The following OTUD7B variants were observed in gnomAD, a reference collection of about 807,000 sequenced individuals.
OTUD7B encodes OTU deubiquitinase 7B, also known as OTU domain-containing protein 7B.
OTUD7B carries 34 observed loss-of-function variants against 82.2 expected under a neutral mutation model. The ratio of observed to expected loss-of-function variants is 0.41; its 90% CI spans 0.31 to 0.55. OTUD7B has a LOEUF of 0.55. Among genes scored for constraint, OTUD7B ranks in the 20% least tolerant of loss-of-function variants. OTUD7B has a pLI of 0.20. For missense variants in OTUD7B, 944 were observed against 1,062.1 expected (o/e 0.89, Z 1.55); for synonymous variants, 398 against 402.7 (o/e 0.99, Z 0.14).
chr1:150,013,666 T>C (rs1280668209), upstream of OTUD7B, among the ~76,000 whole-genome samples: 1 of 151,778 alleles, frequency 6.6e-6, no homozygotes, highest in Non-Finnish European at 1.5e-5. Flanking sequence ...CTCACGCTTG[T>C]AATACCAGCA....
chr1:150,037,661 C>T, the OTUD7B span, among the ~76,000 whole-genome samples: 1 of 152,108 alleles, frequency 6.6e-6, no homozygotes, highest in Non-Finnish European at 1.5e-5. Flanking sequence ...GCGATCTCAG[C>T]TCACTGCAAC....
upstream of OTUD7B, among the ~76,000 whole-genome samples, chr1:150,014,129 T>G (rs1553788062): frequency 7.6e-6 from 1 of 131,588 alleles, no homozygotes. Context: ...CCAGGCATGG[T>G]GGATCCTGCC....
At chr1:150,021,491 T>C in the OTUD7B span, among the ~76,000 whole-genome samples, 1 of 152,104 alleles carries the variant, frequency 6.6e-6, no homozygotes. Context: ...GAGCCAAAAA[T>C]AGGAGATGAA....
At chr1:150,034,164 T>TCTAATAATGTCTCTAA in the OTUD7B span, among the ~76,000 whole-genome samples, 13 of 152,360 alleles carry the variant, frequency 8.5e-5, no homozygotes, top group East Asian at 2.1e-3. Context: ...TTAGAATGTC[T>TCTAATAATGTCTCTAA]CTAAGCAGTT....
the OTUD7B span, among the ~76,000 whole-genome samples, chr1:150,046,373 G>A: frequency 6.6e-6 from 1 of 150,556 alleles, no homozygotes; most frequent in African/African-American, 2.4e-5. Context: ...CACTTCTTTT[G>A]CCTTTGCCTG....
chr1:150,042,566 C>A, the OTUD7B span, among the ~76,000 whole-genome samples: 1 of 152,054 alleles, frequency 6.6e-6, no homozygotes, highest in South Asian at 2.1e-4. Context: ...CCTCCCTTTA[C>A]ACTCATTTCC....
intron 1 of OTUD7B, among the ~76,000 whole-genome samples, chr1:149,986,705 C>T (rs1553780896): frequency 6.6e-6 from 1 of 152,160 alleles, no homozygotes; most frequent in African/African-American, 2.4e-5. Context: ...TCAGAGACTC[C>T]TCCATGTCTA....
intron 1 of OTUD7B, among the ~76,000 whole-genome samples, chr1:149,987,114 T>C (rs1651207947): frequency 6.6e-6 from 1 of 152,218 alleles, no homozygotes; most frequent in African/African-American, 2.4e-5. Context: ...TTGGTATTGT[T>C]ACTCCACATC....
intron 7 of OTUD7B, among the ~76,000 whole-genome samples, chr1:149,951,749 T>C (rs1553773505): frequency 1.3e-5 from 2 of 152,164 alleles, no homozygotes; most frequent in African/African-American, 4.8e-5. Flanking sequence ...TATTCTTATG[T>C]ACAATAAAAT....
At chr1:149,947,379 C>T in intron 10 of OTUD7B, 44 bp from the exon 11 acceptor site, 2 of 1,197,416 alleles carry the variant, frequency 1.7e-6, no homozygotes, top group Admixed American at 1.7e-5. Context: ...CTTTTAAAAG[C>T]AAAGCAATTT....
the OTUD7B span, among the ~76,000 whole-genome samples, chr1:150,042,598 C>T: frequency 6.6e-6 from 1 of 152,128 alleles, no homozygotes; most frequent in Non-Finnish European, 1.5e-5. Context: ...TAGTCCTCCA[C>T]TTTAGGGCTG....
the OTUD7B span, among the ~76,000 whole-genome samples, chr1:150,039,667 G>A: frequency 4.9e-4 from 75 of 152,324 alleles, no homozygotes; most frequent in African/African-American, 1.7e-3. Flanking sequence ...GAGCCACTGC[G>A]CCTGGCCTAT....
chr1:149,967,255 A>C (rs377226953), intron 4 of OTUD7B, 39 bp downstream of exon 4: 97 of 1,418,292 alleles, frequency 6.8e-5, no homozygotes, highest in Non-Finnish European at 8.3e-5. Context: ...GTAGGTGGAG[A>C]GTAGAGGGAA....
chr1:150,065,849 G>GTTTCTTTTTTTTT, the OTUD7B span, among the ~76,000 whole-genome samples: 3 of 151,524 alleles, frequency 2.0e-5, no homozygotes, highest in African/African-American at 4.9e-5. Flanking sequence ...TGTTCAAAAT[G>GTTTCTTTTTTTTT]TTTATGTTCC....
chr1:149,999,119 G>A (rs1447276696), intron 1 of OTUD7B, among the ~76,000 whole-genome samples: 2 of 152,068 alleles, frequency 1.3e-5, no homozygotes, highest in African/African-American at 2.4e-5. Context: ...CGGTGGAAAG[G>A]AATTTGTAGT....
At chr1:150,041,790 T>G in the OTUD7B span, among the ~76,000 whole-genome samples, 1 of 152,212 alleles carries the variant, frequency 6.6e-6, no homozygotes, top group South Asian at 2.1e-4. Context: ...CATTAATTTC[T>G]GCTTTATCTC....
the OTUD7B span, among the ~76,000 whole-genome samples, chr1:150,042,116 TCC>T: frequency 4.3e-5 from 1 of 23,206 alleles, no homozygotes; most frequent in African/African-American, 1.6e-4. Context: ...CCTCCCTCCC[TCC>T]CTCCCTCCCT....
chr1:150,012,119 C>T (rs587663640), upstream of OTUD7B, among the ~76,000 whole-genome samples: 55 of 152,212 alleles, frequency 3.6e-4, no homozygotes, highest in African/African-American at 1.3e-3. Flanking sequence ...GGGCTTCAAG[C>T]GTATAAGGGA....
At chr1:150,064,777 T>C in the OTUD7B span, among the ~76,000 whole-genome samples, 1 of 152,246 alleles carries the variant, frequency 6.6e-6, no homozygotes, top group Non-Finnish European at 1.5e-5. Context: ...TATCCATGGC[T>C]TATGAGAGAA....
Sources: gnomAD v4.1 joint callset for allele counts (sites outside exome capture counted in the v4.1 genomes callset) on GRCh38, gnomAD v4.1.1 for gene constraint, MANE v1.5 for transcripts, NCBI Gene and HGNC (gene_info 2026-07-23, HGNC 2026-07-21) for gene names.